The following NOL6 variants were observed in gnomAD, a reference collection of about 807,000 sequenced individuals.
NOL6 encodes the protein nucleolar RNA-associated protein.
Under a neutral mutation model 131.7 loss-of-function variants are expected in NOL6, and 33 were observed. The ratio of observed to expected loss-of-function variants is 0.25; its 90% CI spans 0.19 to 0.33. NOL6 has a LOEUF of 0.33. Ranked by LOEUF, NOL6 falls within the 10% of genes least tolerant of loss-of-function variation. The pLI is 1.00. For synonymous variants in NOL6, 580 were observed against 605.7 expected (o/e 0.96, Z 0.62); for missense variants, 1,297 against 1,494.5 (o/e 0.87, Z 2.18).
rs1051879803 is a variant in NOL6, at chr9:33,465,707, A to G, written c.2528+27T>C. 63 of 1,601,974 alleles carry G rather than the reference A, an allele frequency of 3.9e-5. 1 individual carries two copies. In the South Asian group the frequency reaches 6.9e-4, roughly 18 times the overall value. ...TGGGGGCAGGAGGGGGCCTACAGAC[A>G]GGAAGAAGCTGTGTCAGTGGCCTTA... On this transcript the variant is annotated intron_variant, in intron 19 of 25. Coordinates refer to ENST00000297990, the MANE Select transcript of NOL6 (RefSeq NM_022917.5).
At chr9:33,463,727 C>T in intron 23 of NOL6, 104 bp downstream of exon 23, 1 of 1,254,388 alleles carries the variant, frequency 8.0e-7, no homozygotes, top group Non-Finnish European at 1.1e-6. Context: ...TCTGTTCAGT[C>T]TCACCAAACA....
chr9:33,472,441 G>A lies in NOL6; in HGVS notation c.55-29C>T, dbSNP rs766827059. 1.6e-5 allele frequency: 25 copies of A among 1,582,598 alleles called. No individual in the cohort carries two copies. The South Asian group carries it at 1.7e-4, about 11-fold the overall frequency. On this transcript the variant is annotated intron_variant, in intron 1 of 25. Transcript: ENST00000297990. ...TGGCCAGTGAGGGAGAAGCCATTTTGAGGTAATAGGTATCTAGCATCTGCT... is the reference window on the plus strand; with the variant it reads ...TGGCCAGTGAGGGAGAAGCCATTTTAAGGTAATAGGTATCTAGCATCTGCT...
At position 33,467,165 on chromosome 9, in the gene NOL6, A is replaced by T. The variant is rs761697662; in HGVS notation, c.1823T>A (p.Met608Lys). Reference sequence around the variant, plus strand: ...GTGGGGAATAAGGCGCTTCTGGGACATAGAGGCTGCCTCCCAGACCACAGC... The same window carrying T: ...GTGGGGAATAAGGCGCTTCTGGGACTTAGAGGCTGCCTCCCAGACCACAGC... The part of the protein sequence containing the change: ...REAVVWEAAS[M>K]SQKRLIPHQV... The change falls in exon 14 of 26, where the codon ATG becomes AAG. Residue 608 changes from methionine (M) to lysine (K), a missense_variant. Met to Lys is a moderately conservative substitution (Grantham distance 95, BLOSUM62 -1). Transcript: ENST00000297990. This position sits in a 1 kb window ranked among gnomAD's most constrained non-coding sequence, Gnocchi z 4.4. The T allele has an allele frequency of 6.2e-7, 1 of 1,614,184 alleles. No homozygotes were observed. Among genetic ancestry groups the T allele is most frequent in the Non-Finnish European group, 8.5e-7 (1 of 1,180,042 alleles).
At position 33,471,397 on chromosome 9, in the gene NOL6, A is replaced by G. The variant is rs1563881896; in HGVS notation, c.378+607T>C. Among the ~76,000 whole-genome samples the G allele has an allele frequency of 5.3e-5, 8 of 152,376 alleles. No homozygotes were observed. In the South Asian group the frequency reaches 1.4e-3, roughly 28 times the overall value. ...CCTACTTCGGGACACAATGCCCTGC[A>G]TGATATGCTACTTTTCCCCATCACC... On this transcript the variant is annotated intron_variant, in intron 3 of 25. Coordinates refer to ENST00000297990, the MANE Select transcript of NOL6 (RefSeq NM_022917.5).
chr9:33,466,471 A>G, intron 16 of NOL6, 46 bp from the exon 17 acceptor site: 1 of 1,611,800 alleles, frequency 6.2e-7, no homozygotes, highest in Non-Finnish European at 8.5e-7. Context: ...ACTGGGAGGG[A>G]GTGCCCAGAG....
Position 33,472,379 on chromosome 9 carries a change from C to T in NOL6, c.88G>A (p.Glu30Lys). ...TTCCTGGAGGATGCTTTCTTCCCCT[C>T]TTTGCCTGTGCCTTCCAGGGCTGGT... ...MEPALEGTGK[E>K]GKKASSRKRT... is the part of the protein sequence containing the mutation. The change falls in exon 2 of 26, where the codon GAG becomes AAG. Residue 30 changes from glutamate (E) to lysine (K), a missense_variant. Transcript: ENST00000297990. 1.2e-6 allele frequency: 2 copies of T among 1,614,172 alleles called. No individual in the cohort carries two copies. Among genetic ancestry groups the T allele is most frequent in the East Asian group, 4.5e-5 (2 of 44,890 alleles).
In NOL6 at chr9:33,473,909, G is replaced by T; in HGVS notation, c.-67C>A. On this transcript the variant is annotated 5_prime_UTR_variant, in exon 1 of 26. Transcript: ENST00000297990. ...GGGTCTATACCTCATAGCTTCCCAC[G>T]TGGGCGGAAATGCCTAACTCCAGGC... 1.9e-6 allele frequency: 3 copies of T among 1,576,934 alleles called. No homozygotes were observed.
chr9:33,467,943 T>A lies in NOL6; in HGVS notation c.1425-75A>T. On this transcript the variant is annotated intron_variant, in intron 11 of 25. Transcript: ENST00000297990. The surrounding 1 kb of genome is among the most constrained non-coding windows in gnomAD (Gnocchi z 4.4). Reference sequence around the variant, plus strand: ...AGTACCACCTCCTCCCTGAATGATCTGAGCACCTGTCTGAAGACCTTTGCC... The same window carrying A: ...AGTACCACCTCCTCCCTGAATGATCAGAGCACCTGTCTGAAGACCTTTGCC... 6.2e-7 allele frequency: 1 copy of A among 1,602,496 alleles called. No individual in the cohort carries two copies. Among genetic ancestry groups the A allele is most frequent in the Non-Finnish European group, 8.5e-7 (1 of 1,172,336 alleles).
chr9:33,465,953 A>T, intron 18 of NOL6, 56 bp from the exon 19 acceptor site: 1 of 1,590,474 alleles, frequency 6.3e-7, no homozygotes, highest in Non-Finnish European at 8.6e-7. Flanking sequence ...CCCCGGGAGT[A>T]CTCTGTGGCC....
At chr9:33,465,982 C>T in intron 18 of NOL6, 85 bp from the exon 19 acceptor site, 13 of 1,569,196 alleles carry the variant, frequency 8.3e-6, no homozygotes, top group South Asian at 4.8e-5. Context: ...TATTACCCAG[C>T]GTGGTACCCA....
rs754399634 is a variant in NOL6, at chr9:33,469,083, C to T, written c.901G>A (p.Val301Ile). 1.9e-6 allele frequency: 3 copies of T among 1,614,034 alleles called. No homozygotes were observed. Among genetic ancestry groups the T allele is most frequent in the Non-Finnish European group, 2.5e-6 (3 of 1,180,056 alleles). The change falls in exon 7 of 26, where the codon GTC becomes ATC. Residue 301 changes from valine (V) to isoleucine (I), a missense_variant. By Grantham distance (29) the Val-to-Ile change is conservative. Transcript: ENST00000297990. ...GACTCGAGAACTGTATCTTGCAGGA[C>T]CCATGTGTTATAGCGGGGGGTAGGA... The part of the protein sequence containing the change: ...EPPTPRYNTW[V>I]LQDTVLESHL...
In NOL6 at chr9:33,471,518, T is replaced by C. The variant is rs192171247; in HGVS notation, c.378+486A>G. On this transcript the variant is annotated intron_variant, in intron 3 of 25. Coordinates refer to ENST00000297990, the MANE Select transcript of NOL6 (RefSeq NM_022917.5). ...TGCCTTTGTACTGGCTGTTCCCCCTTCCTGGAATGCTTTTATTCCCTTAGA... is the reference window on the plus strand; with the variant it reads ...TGCCTTTGTACTGGCTGTTCCCCCTCCCTGGAATGCTTTTATTCCCTTAGA... Among the ~76,000 whole-genome samples, 225 of 152,294 alleles carry C rather than the reference T, an allele frequency of 1.5e-3. 1 individual carries two copies. Among genetic ancestry groups the C allele is most frequent in the Middle Eastern group, 6.8e-3 (2 of 294 alleles).
Position 33,472,276 on chromosome 9 carries a change from G to T in NOL6, c.191C>A (p.Pro64His), listed in dbSNP as rs139786027. ...AAGGCGATTAAGCTCCTCATTGGTAGGCTCCTTGTACAGTTCTGCCCTGCT... is the reference window on the plus strand; with the variant it reads ...AAGGCGATTAAGCTCCTCATTGGTATGCTCCTTGTACAGTTCTGCCCTGCT... ...KLSRAELYKE[P>H]TNEELNRLRE... Residue 64 changes from proline (P) to histidine (H), a missense_variant, in exon 2 of 26, where the codon CCT (proline) becomes CAT (histidine). Transcript: ENST00000297990. 1 of 1,614,090 alleles carries T rather than the reference G, an allele frequency of 6.2e-7. No homozygotes were observed. The highest frequency in any genetic ancestry group is 1.3e-5 in the African/African-American group (1 of 74,918).
Position 33,464,073 on chromosome 9 carries a change from T to G in NOL6, c.2868A>C (p.Lys956Asn), listed in dbSNP as rs181180660. The change falls in exon 22 of 26, where the codon AAA becomes AAC. Residue 956 changes from lysine (K) to asparagine (N), a missense_variant. Lys to Asn is a moderately conservative substitution (Grantham distance 94, BLOSUM62 0). Coordinates refer to ENST00000297990, the MANE Select transcript of NOL6 (RefSeq NM_022917.5). ...VMVIVTPQDR[K>N]NSVWTQDGPS... ...GTCCATCCTGTGTCCACACAGAGTT[T>G]TTGCGGTCTTGGGGGGTAACAATGA... 1.9e-6 allele frequency: 3 copies of G among 1,613,654 alleles called. No individual in the cohort carries two copies. The East Asian group carries it at 6.7e-5, about 36-fold the overall frequency.
chr9:33,469,435 C>T, intron 5 of NOL6, 64 bp downstream of exon 5: 5 of 1,597,484 alleles, frequency 3.1e-6, no homozygotes, highest in East Asian at 2.2e-5. Flanking sequence ...CTCCGTGCCT[C>T]TGTGCCTTCT....
At chr9:33,471,575 C>T (rs12378291) in intron 3 of NOL6, among the ~76,000 whole-genome samples, 263 of 152,316 alleles carry the variant, frequency 1.7e-3, no homozygotes, top group Non-Finnish European at 2.0e-3. Flanking sequence ...TACTTCAAGT[C>T]TTTACACAAA....
intron 1 of NOL6, among the ~76,000 whole-genome samples, chr9:33,473,435 C>T (rs1304389381): frequency 1.3e-5 from 2 of 152,208 alleles, no homozygotes; most frequent in South Asian, 2.1e-4. Flanking sequence ...CACCGTATGC[C>T]CTCCGCTACA....
At position 33,468,640 on chromosome 9, in the gene NOL6, C is replaced by T. The variant is rs541893596; in HGVS notation, c.1148-74G>A. On this transcript the variant is annotated intron_variant, in intron 8 of 25. Coordinates refer to ENST00000297990, the MANE Select transcript of NOL6 (RefSeq NM_022917.5). ...AGCCCTAATGACACCCTCCCTCAGC[C>T]GATTCAGTTTGCTCATCTGTCTGAT... 26 of 1,607,210 alleles carry T rather than the reference C, an allele frequency of 1.6e-5. 1 individual carries two copies. In the Admixed American group the frequency reaches 1.7e-4, roughly 10 times the overall value.
intron 3 of NOL6, chr9:33,470,426 C>T: frequency 6.6e-6 from 2 of 300,864 alleles, no homozygotes; most frequent in Non-Finnish European, 1.2e-5. Context: ...GGCGTGGTGG[C>T]TCACGCCTGT....
Sources: gnomAD v4.1 joint callset for allele counts (sites outside exome capture counted in the v4.1 genomes callset) on GRCh38, gnomAD v4.1.1 for gene constraint, Gnocchi (gnomAD v3.1) non-coding constraint, MANE v1.5 for transcripts, NCBI Gene and HGNC (gene_info 2026-07-23, HGNC 2026-07-21) for gene names.